Variants in TMEM132D observed in about 807,000 individuals in gnomAD.
TMEM132D encodes the protein transmembrane protein 132D, also known as mature OL transmembrane protein.
TMEM132D carries 21 observed loss-of-function variants against 62.3 expected under a neutral mutation model. That is an observed-to-expected ratio of 0.34 (90% CI 0.24 to 0.49). The LOEUF is 0.49. TMEM132D is among the 20% of genes least tolerant of loss of function. TMEM132D has a pLI of 0.99. For missense variants in TMEM132D, 1,346 were observed against 1,402.8 expected (o/e 0.96, Z 0.65); for synonymous variants, 621 against 575.6 (o/e 1.08, Z -1.13).
chr12:129,167,465 G>A (rs1877599982), intron 5 of TMEM132D, among the ~76,000 whole-genome samples: 1 of 152,140 alleles, frequency 6.6e-6, no homozygotes, highest in African/African-American at 2.4e-5. Context: ...TCTACCAAGT[G>A]ACAAGGTTGC....
intron 5 of TMEM132D, among the ~76,000 whole-genome samples, chr12:129,191,717 T>C (rs1878408313): frequency 6.6e-6 from 1 of 151,642 alleles, no homozygotes; most frequent in Non-Finnish European, 1.5e-5. Flanking sequence ...GGAAGCTATA[T>C]ATATGAAACT....
chr12:129,082,143 G>T (rs1386059982), intron 6 of TMEM132D, 111 bp from the exon 7 acceptor site: 7 of 1,339,400 alleles, frequency 5.2e-6, no homozygotes, highest in Non-Finnish European at 7.1e-6. Context: ...GAGACTTCAA[G>T]GAGTTTATAG....
intron 5 of TMEM132D, among the ~76,000 whole-genome samples, chr12:129,153,059 T>G (rs1395921842): frequency 6.6e-6 from 1 of 152,212 alleles, no homozygotes; most frequent in African/African-American, 2.4e-5. Flanking sequence ...ATTTGCTTCC[T>G]GCTATGACTA....
At chr12:129,335,127 CTTTT>C (rs386378228) in intron 4 of TMEM132D, among the ~76,000 whole-genome samples, 10 of 104,664 alleles carry the variant, frequency 9.6e-5, no homozygotes, top group African/African-American at 3.3e-4. Flanking sequence ...CTAATAAGTA[CTTTT>C]TTTTTTTTTT....
chr12:129,760,042 C>T (rs1870301331), intron 1 of TMEM132D, among the ~76,000 whole-genome samples: 1 of 151,898 alleles, frequency 6.6e-6, no homozygotes, highest in Admixed American at 6.6e-5. Context: ...GAAGTTGGGG[C>T]GACAGGTGTT....
chr12:129,848,960 A>T (rs1298979644), intron 1 of TMEM132D, among the ~76,000 whole-genome samples: 1 of 152,194 alleles, frequency 6.6e-6, no homozygotes, highest in Non-Finnish European at 1.5e-5. Flanking sequence ...CATCCCAGCC[A>T]AGTTGATTTC....
chr12:129,102,528 AACAC>A lies in TMEM132D; in HGVS notation c.1444-17830_1444-17827del, dbSNP rs372316402. ...TATGCACGCACACACGCACACACACAACACACACACACATGCACACACATACACA... is the reference window on the plus strand; with the variant it reads ...TATGCACGCACACACGCACACACACAACACACACATGCACACACATACACA... On this transcript the variant is annotated intron_variant, in intron 5 of 8. Transcript: ENST00000422113. Among the ~76,000 whole-genome samples, 5 of 149,278 alleles carry A rather than the reference AACAC, an allele frequency of 3.3e-5. No homozygotes were observed. In the South Asian group the frequency reaches 6.4e-4, roughly 19 times the overall value.
intron 4 of TMEM132D, among the ~76,000 whole-genome samples, chr12:129,226,427 G>A (rs866924644): frequency 6.6e-6 from 1 of 152,190 alleles, no homozygotes; most frequent in Admixed American, 6.5e-5. Flanking sequence ...GGACAGGAAG[G>A]TTCTCATACC....
At chr12:129,721,996 G>C (rs1488310623) in intron 1 of TMEM132D, among the ~76,000 whole-genome samples, 4 of 152,212 alleles carry the variant, frequency 2.6e-5, no homozygotes, top group African/African-American at 4.8e-5. Context: ...CTGCAGCATG[G>C]AGTAAACTTA....
At chr12:129,538,679 A>G (rs578153184) in intron 2 of TMEM132D, among the ~76,000 whole-genome samples, 2 of 152,258 alleles carry the variant, frequency 1.3e-5, no homozygotes, top group African/African-American at 4.8e-5. Flanking sequence ...AGTTATGGCA[A>G]TGCGGTCTCT....
intron 1 of TMEM132D, among the ~76,000 whole-genome samples, chr12:129,874,590 G>T (rs1874355233): frequency 9.2e-6 from 1 of 108,580 alleles, no homozygotes; most frequent in Non-Finnish European, 1.9e-5. Flanking sequence ...ATAAAGCTAG[G>T]TTAAAAAAAA....
intron 3 of TMEM132D, among the ~76,000 whole-genome samples, chr12:129,498,501 GCCTCAGCCT>G (rs916870931): frequency 3.9e-4 from 59 of 152,112 alleles, no homozygotes; most frequent in Non-Finnish European, 7.5e-4. Flanking sequence ...TGATCCACCC[GCCTCAGCCT>G]CCTAAAGCGC....
chr12:129,759,213 C>T (rs1229149175), intron 1 of TMEM132D, among the ~76,000 whole-genome samples: 4 of 152,114 alleles, frequency 2.6e-5, no homozygotes, highest in Non-Finnish European at 4.4e-5. Context: ...GGATTATAGG[C>T]GTGAGCCACC....
chr12:129,166,901 C>T (rs1411042037), intron 5 of TMEM132D, among the ~76,000 whole-genome samples: 2 of 152,106 alleles, frequency 1.3e-5, no homozygotes. Context: ...CAGTGGCTCA[C>T]ACTTGTAATC....
rs186859475 is a variant in TMEM132D at position 129,860,588 on chromosome 12, A to C, written c.79+42673T>G. On this transcript the variant is annotated intron_variant, in intron 1 of 8. Coordinates refer to ENST00000422113, the MANE Select transcript of TMEM132D (RefSeq NM_133448.3). ...ATATACATATGTGCGTATATATATA[A>C]AACTTCTCATAACCTAATTTTATCT... Among the ~76,000 whole-genome samples the C allele has an allele frequency of 4.8e-3, 730 of 152,358 alleles. 4 individuals are homozygous for C. Among genetic ancestry groups the C allele is most frequent in the African/African-American group, 0.017 (693 of 41,576 alleles).
At chr12:129,149,894 C>T (rs963817250) in intron 5 of TMEM132D, among the ~76,000 whole-genome samples, 4 of 152,340 alleles carry the variant, frequency 2.6e-5, no homozygotes, top group African/African-American at 7.2e-5. Context: ...AGCTAACTAC[C>T]GGCTTCTCCG....
intron 3 of TMEM132D, among the ~76,000 whole-genome samples, chr12:129,383,526 T>A (rs1486219451): frequency 6.6e-6 from 1 of 152,204 alleles, no homozygotes; most frequent in African/African-American, 2.4e-5. Context: ...CTTGGCTCAC[T>A]GCACCCTCTG....
At chr12:129,143,007 G>T (rs1876788370) in intron 5 of TMEM132D, among the ~76,000 whole-genome samples, 1 of 152,052 alleles carries the variant, frequency 6.6e-6, no homozygotes, top group Admixed American at 6.5e-5. Flanking sequence ...CAACACAGAA[G>T]ATGTTGTTTT....
At position 129,555,546 on chromosome 12, in the gene TMEM132D, G is replaced by T. The variant is rs541767221; in HGVS notation, c.969-24341C>A. Among the ~76,000 whole-genome samples the T allele has an allele frequency of 9.1e-4, 138 of 152,246 alleles. 2 individuals are homozygous for T. The South Asian group carries it at 0.027, about 30-fold the overall frequency. ...ATAAAATGACATTCGAAAGTCATCA[G>T]AAGAAGAAAAATGTTTTTGGACCTT... On this transcript the variant is annotated intron_variant, in intron 2 of 8. Coordinates refer to ENST00000422113, the MANE Select transcript of TMEM132D (RefSeq NM_133448.3).
Sources: allele counts gnomAD v4.1 joint callset (sites outside exome capture counted in the v4.1 genomes callset), GRCh38; gene constraint gnomAD v4.1.1; transcripts MANE v1.5; gene names NCBI Gene and HGNC (gene_info 2026-07-23, HGNC 2026-07-21).